CAPZB: variants seen among roughly 807,000 people sequenced by gnomAD.
The protein encoded by CAPZB is F-actin-capping protein subunit beta.
A neutral mutation model predicts 38.1 loss-of-function variants in CAPZB; 2 were observed. The ratio of observed to expected loss-of-function variants is 0.05; its 90% CI spans 0.02 to 0.17. The LOEUF is 0.17. CAPZB is among the 10% of genes least tolerant of loss of function. CAPZB has a pLI of 1.00. For synonymous variants in CAPZB, 107 were observed against 127.4 expected (o/e 0.84, Z 1.08); for missense variants, 161 against 334.2 (o/e 0.48, Z 4.04).
chr1:19,485,394 G>C, intron 1 of CAPZB, 42 bp downstream of exon 1: 1 of 1,218,040 alleles, frequency 8.2e-7, no homozygotes, highest in Non-Finnish European at 1.0e-6. Flanking sequence ...CGCGAGCTCC[G>C]GAGGGGCCCC....
rs186874489 is a variant in CAPZB, at chr1:19,390,651, G to A, written c.94-5025C>T. 1.1e-3 allele frequency among the ~76,000 whole-genome samples: 174 copies of A among 152,282 alleles called. 1 individual carries two copies. The highest frequency in any genetic ancestry group is 3.9e-3 in the African/African-American group (162 of 41,554). ...GTCCTTCACCACCGATACTTTTGCC[G>A]GGCTCGGTGGTACCCAGGAGGCCAC... is the stretch of plus-strand genomic sequence containing the variant. On this transcript the variant is annotated intron_variant, in intron 2 of 8. Coordinates refer to ENST00000264202, the MANE Select transcript of CAPZB (RefSeq NM_004930.5).
chr1:19,440,047 G>C lies in CAPZB; in HGVS notation c.4-20297C>G, dbSNP rs527486367. On this transcript the variant is annotated intron_variant, in intron 1 of 8. Transcript: ENST00000264202. ...GCTACCGGTTTTCCCTACAGCTGAC[G>C]TAAAATACATATATTACTGCAAATC... 1.2e-4 allele frequency among the ~76,000 whole-genome samples: 18 copies of C among 152,276 alleles called. No homozygotes were observed. The South Asian group carries it at 3.5e-3, about 30-fold the overall frequency.
chr1:19,484,951 G>A (rs2094645707), intron 1 of CAPZB, among the ~76,000 whole-genome samples: 1 of 152,192 alleles, frequency 6.6e-6, no homozygotes, highest in African/African-American at 2.4e-5. Flanking sequence ...CCAGCCTGAG[G>A]CCATGGAGAA....
intron 2 of CAPZB, among the ~76,000 whole-genome samples, chr1:19,395,011 C>A (rs1015784865): frequency 6.6e-6 from 1 of 152,196 alleles, no homozygotes; most frequent in Non-Finnish European, 1.5e-5. Context: ...ACAGCCACCG[C>A]GCGCCAGGTG....
chr1:19,386,209 G>A (rs919696639), intron 2 of CAPZB, among the ~76,000 whole-genome samples: 2 of 152,320 alleles, frequency 1.3e-5, no homozygotes, highest in Admixed American at 1.3e-4. Context: ...CCTCCGGCTG[G>A]CCTGCCAGGG....
In CAPZB at chr1:19,419,199, T is replaced by G. The variant is rs11584127; in HGVS notation, c.93+462A>C. 5.6e-3 allele frequency among the ~76,000 whole-genome samples: 853 copies of G among 152,272 alleles called. 5 individuals carry two copies. Among genetic ancestry groups the G allele is most frequent in the Non-Finnish European group, 9.3e-3 (630 of 68,018 alleles). ...TGACGGGCCCTTTAACAAGCCAACT[T>G]TTGCTTGTTATACCTTTTCAAACTA... On this transcript the variant is annotated intron_variant, in intron 2 of 8. Transcript: ENST00000264202.
At chr1:19,468,791 C>T (rs927180144) in intron 1 of CAPZB, among the ~76,000 whole-genome samples, 1 of 152,160 alleles carries the variant, frequency 6.6e-6, no homozygotes, top group Non-Finnish European at 1.5e-5. Context: ...AGTCGGCACA[C>T]GCCGTCTCTC....
At chr1:19,476,031 G>A (rs946169936) in intron 1 of CAPZB, among the ~76,000 whole-genome samples, 2 of 152,170 alleles carry the variant, frequency 1.3e-5, no homozygotes, top group Non-Finnish European at 2.9e-5. Context: ...TACTAAAACA[G>A]GCCAATTTTG....
At chr1:19,358,664 G>A (rs999515731) in intron 4 of CAPZB, among the ~76,000 whole-genome samples, 4 of 152,206 alleles carry the variant, frequency 2.6e-5, no homozygotes, top group African/African-American at 4.8e-5. Flanking sequence ...AAAACTATGC[G>A]AAATCTCATT....
intron 1 of CAPZB, among the ~76,000 whole-genome samples, chr1:19,472,819 G>A (rs1017548900): frequency 5.6e-4 from 77 of 137,538 alleles, no homozygotes; most frequent in African/African-American, 2.0e-3. Flanking sequence ...CTGGGTTCAC[G>A]CCATTCTCCT....
At chr1:19,355,360 T>C (rs1312539808) in intron 6 of CAPZB, among the ~76,000 whole-genome samples, 1 of 152,034 alleles carries the variant, frequency 6.6e-6, no homozygotes, top group Admixed American at 6.6e-5. Flanking sequence ...CTGGGCGTGG[T>C]GGTGCACGCT....
At chr1:19,342,903 G>C (rs768382448) in intron 8 of CAPZB, 10 of 1,219,284 alleles carry the variant, frequency 8.2e-6, no homozygotes, top group Non-Finnish European at 1.2e-5. Context: ...TGGGAGGGAA[G>C]AGAACGACGA....
chr1:19,350,838 A>C (rs1188409963), intron 6 of CAPZB, among the ~76,000 whole-genome samples: 2 of 152,038 alleles, frequency 1.3e-5, no homozygotes, highest in Non-Finnish European at 2.9e-5. Flanking sequence ...GGCTGGTCTC[A>C]AACTCTCGAG....
At chr1:19,454,107 G>C (rs577759162) in intron 1 of CAPZB, among the ~76,000 whole-genome samples, 45 of 152,290 alleles carry the variant, frequency 3.0e-4, no homozygotes, top group African/African-American at 1.0e-3. Flanking sequence ...GGTTTCTCCA[G>C]GCTCAGGCCC....
chr1:19,395,080 G>A (rs956215824), intron 2 of CAPZB, among the ~76,000 whole-genome samples: 4 of 152,166 alleles, frequency 2.6e-5, no homozygotes, highest in Non-Finnish European at 4.4e-5. Context: ...CCTAAGCCAC[G>A]ACGCTTGGCA....
chr1:19,484,119 T>G (rs1037400129), intron 1 of CAPZB: 1 of 1,515,182 alleles, frequency 6.6e-7, no homozygotes, highest in Non-Finnish European at 9.0e-7. Context: ...AAAGTCTGGA[T>G]AGCATCTGCC....
At chr1:19,346,738 A>AG (rs2093963143) in intron 6 of CAPZB, among the ~76,000 whole-genome samples, 1 of 151,142 alleles carries the variant, frequency 6.6e-6, no homozygotes, top group South Asian at 2.1e-4. Flanking sequence ...TTAAACGACC[A>AG]GGCTTCCAGG....
At chr1:19,418,024 T>C (rs2094387185) in intron 2 of CAPZB, among the ~76,000 whole-genome samples, 1 of 149,192 alleles carries the variant, frequency 6.7e-6, no homozygotes, top group Non-Finnish European at 1.5e-5. Flanking sequence ...TAATCCCAGC[T>C]ACTGGGGAGG....
intron 2 of CAPZB, among the ~76,000 whole-genome samples, chr1:19,399,816 T>C (rs1558226398): frequency 6.6e-6 from 1 of 152,216 alleles, no homozygotes; most frequent in Non-Finnish European, 1.5e-5. Context: ...CATTTTAGTG[T>C]TGACATCCTA....
Sources: allele counts gnomAD v4.1 joint callset (sites outside exome capture counted in the v4.1 genomes callset), GRCh38; gene constraint gnomAD v4.1.1; transcripts MANE v1.5; gene names NCBI Gene and HGNC (gene_info 2026-07-23, HGNC 2026-07-21).